Variants in UBE2J2 observed in about 807,000 individuals in gnomAD.
The protein encoded by UBE2J2 is ubiquitin conjugating enzyme E2 J2.
A neutral mutation model predicts 28.6 loss-of-function variants in UBE2J2; 5 were observed. That is an observed-to-expected ratio of 0.17 (90% CI 0.09 to 0.37). The LOEUF is 0.37. Among genes scored for constraint, UBE2J2 ranks in the 10% least tolerant of loss-of-function variants. The pLI is 1.00. For synonymous variants in UBE2J2, 138 were observed against 139.7 expected, an observed-to-expected ratio of 0.99 and a Z score of 0.09; for missense variants, 226 against 338.9, an observed-to-expected ratio of 0.67 and a Z score of 2.62.
At chr1:1,257,437 C>T (rs1639270003) in intron 3 of UBE2J2, 127 bp from the exon 4 acceptor site, 1 of 590,432 alleles carries the variant, frequency 1.7e-6, no homozygotes, top group South Asian at 2.0e-5. Context: ...CCTCATTGCA[C>T]TCTCCGTCCC....
At position 1,267,971 on chromosome 1, in the gene UBE2J2, T is replaced by C; in HGVS notation, c.22A>G (p.Arg8Gly). Residue 8 changes from arginine (R) to glycine (G), a missense_variant, in exon 2 of 7, where the codon AGG becomes GGG. Arg to Gly is a moderately radical substitution (Grantham distance 125). Around this residue, in one of 3 missense-constraint regions of UBE2J2, gnomAD observed 80 missense variants for 114.5 expected, o/e 0.70. Transcript: ENST00000349431. MSSTSSK[R>G]APTTATQRLK... ...CTCTGGGTTGCCGTGGTCGGAGCCC[T>C]CTTACTGCTGGTGCTGCTCATCTGT... is the stretch of plus-strand genomic sequence containing the variant. 4 of 1,614,012 alleles carry C rather than the reference T, an allele frequency of 2.5e-6. No individual in the cohort carries two copies. The highest frequency in any genetic ancestry group is 3.4e-6 in the Non-Finnish European group (4 of 1,179,954).
chr1:1,256,893 A>G, intron 5 of UBE2J2, 99 bp downstream of exon 5: 4 of 1,007,292 alleles, frequency 4.0e-6, no homozygotes, highest in Admixed American at 4.3e-5. Flanking sequence ...CTCAAGAAAA[A>G]AAAAAAAAAA....
intron 1 of UBE2J2, chr1:1,273,423 G>A (rs909619753): frequency 6.6e-6 from 1 of 152,126 alleles, no homozygotes; most frequent in Admixed American, 6.5e-5. Flanking sequence ...TGTCCCAGCT[G>A]ACGGGAAACC....
chr1:1,261,652 T>C (rs1016087221), intron 3 of UBE2J2, among the ~76,000 whole-genome samples: 1 of 131,198 alleles, frequency 7.6e-6, no homozygotes, highest in African/African-American at 3.0e-5. Flanking sequence ...CCCATTTTGG[T>C]TTTTTTTTTT....
chr1:1,257,642 C>A (rs1639283468), intron 3 of UBE2J2, among the ~76,000 whole-genome samples: 1 of 151,468 alleles, frequency 6.6e-6, no homozygotes, highest in Non-Finnish European at 1.5e-5. Context: ...CCACACACAC[C>A]CCCACCAGGA....
intron 3 of UBE2J2, among the ~76,000 whole-genome samples, chr1:1,258,731 C>A (rs1639355762): frequency 6.6e-6 from 1 of 152,370 alleles, no homozygotes; most frequent in South Asian, 2.1e-4. Flanking sequence ...TGGTATCACA[C>A]CCACTCCATG....
At position 1,257,205 on chromosome 1, in the gene UBE2J2, T is replaced by TAC; in HGVS notation, c.275+1_275+2dup. 1 of 1,606,192 alleles carries TAC rather than the reference T, an allele frequency of 6.2e-7. No homozygotes were observed. Among genetic ancestry groups the TAC allele is most frequent in the Non-Finnish European group, 8.5e-7 (1 of 1,174,936 alleles). On this transcript the variant is annotated splice_region_variant and intron_variant, in intron 4 of 6. Coordinates refer to ENST00000349431, the MANE Select transcript of UBE2J2 (RefSeq NM_058167.3). ...GCCTCCGCGGCCCCTCCAGGCACCT[T>TAC]ACCTGGTGTTGCACTTAAACCTCCC...
chr1:1,266,621 A>G (rs1369264035), intron 2 of UBE2J2, among the ~76,000 whole-genome samples: 1 of 152,024 alleles, frequency 6.6e-6, no homozygotes, highest in Non-Finnish European at 1.5e-5. Flanking sequence ...GGAGATCAAG[A>G]CCATCCTGGC....
intron 2 of UBE2J2, among the ~76,000 whole-genome samples, chr1:1,265,283 G>A (rs934488888): frequency 2.0e-5 from 3 of 152,174 alleles, no homozygotes; most frequent in African/African-American, 4.8e-5. Flanking sequence ...TCGCACTGAC[G>A]CTGCTGTCCT....
intron 1 of UBE2J2, chr1:1,273,092 G>A (rs776787768): frequency 3.9e-5 from 6 of 152,272 alleles, no homozygotes; most frequent in Non-Finnish European, 7.3e-5. Flanking sequence ...GGTGACACCT[G>A]GCCAGGGGCT....
intron 6 of UBE2J2, 33 bp from the exon 7 acceptor site, chr1:1,255,520 C>A: frequency 6.3e-7 from 1 of 1,584,806 alleles, no homozygotes; most frequent in South Asian, 1.1e-5. Flanking sequence ...AGCAGCTGGT[C>A]TCCAACCAGC....
At chr1:1,271,308 G>A (rs186025331) in intron 1 of UBE2J2, among the ~76,000 whole-genome samples, 50 of 152,350 alleles carry the variant, frequency 3.3e-4, no homozygotes, top group Non-Finnish European at 6.9e-4. Context: ...AAGCAGCACC[G>A]CCACACAGGC....
chr1:1,256,278 TA>T (rs1428224962), intron 5 of UBE2J2, 153 bp from the exon 6 acceptor site: 1 of 583,950 alleles, frequency 1.7e-6, no homozygotes, highest in East Asian at 2.9e-5. Context: ...CTTATAGTCT[TA>T]CAAAGCCTTC....
At chr1:1,257,442 C>A in intron 3 of UBE2J2, 132 bp from the exon 4 acceptor site, 1 of 580,112 alleles carries the variant, frequency 1.7e-6, no homozygotes, top group Non-Finnish European at 3.0e-6. Context: ...TTGCACTCTC[C>A]GTCCCCAGCC....
At chr1:1,270,664 G>A (rs886576339) in intron 1 of UBE2J2, among the ~76,000 whole-genome samples, 4 of 152,122 alleles carry the variant, frequency 2.6e-5, no homozygotes, top group African/African-American at 9.7e-5. Context: ...TGAGCTTCTA[G>A]TCTCTTCCCA....
At chr1:1,265,203 G>A (rs1639779088) in intron 2 of UBE2J2, among the ~76,000 whole-genome samples, 1 of 152,162 alleles carries the variant, frequency 6.6e-6, no homozygotes. Context: ...GCACCCCACA[G>A]GCCTTTTCTG....
At chr1:1,263,827 T>C (rs58352886) in intron 2 of UBE2J2, among the ~76,000 whole-genome samples, 3,253 of 140,596 alleles carry the variant, frequency 0.023, 39 homozygotes, top group South Asian at 0.052. Flanking sequence ...ACCCCACCTT[T>C]ATTTAAAAAA....
At chr1:1,266,303 A>G (rs1354637800) in intron 2 of UBE2J2, 2 of 740,306 alleles carry the variant, frequency 2.7e-6, no homozygotes, top group Non-Finnish European at 3.7e-6. Flanking sequence ...GGAATTAAAA[A>G]AAATTAGGCC....
At chr1:1,270,536 G>A (rs1353558447) in intron 1 of UBE2J2, among the ~76,000 whole-genome samples, 1 of 152,070 alleles carries the variant, frequency 6.6e-6, no homozygotes, top group African/African-American at 2.4e-5. Flanking sequence ...CCTGACTCTT[G>A]CAATCCTTGT....
Sources: gnomAD v4.1 joint callset for allele counts (sites outside exome capture counted in the v4.1 genomes callset) on GRCh38, gnomAD v4.1.1 for gene constraint, gnomAD v4.1.1 regional missense constraint, MANE v1.5 for transcripts, NCBI Gene and HGNC (gene_info 2026-07-23, HGNC 2026-07-21) for gene names.